SGPP2: variants seen among roughly 807,000 people sequenced by gnomAD.
The protein encoded by SGPP2 is sphingosine 1-phosphate phosphohydrolase 2.
In SGPP2, 30 loss-of-function variants were observed where a neutral mutation model predicts 33.9. That is an observed-to-expected ratio of 0.89 (90% CI 0.66 to 1.20). SGPP2 has a LOEUF of 1.20. Among genes scored for constraint, SGPP2 ranks in the 50% most tolerant of loss-of-function variants. SGPP2 has a pLI of 0.00. For missense variants in SGPP2, 458 were observed against 532.1 expected, an observed-to-expected ratio of 0.86 and a Z score of 1.37; for synonymous variants, 233 against 225.0, an observed-to-expected ratio of 1.04 and a Z score of -0.32.
intron 2 of SGPP2, 104 bp from the exon 3 acceptor site, chr2:222,521,663 C>A: frequency 1.7e-6 from 2 of 1,209,388 alleles, no homozygotes; most frequent in Non-Finnish European, 2.3e-6. Context: ...GAGAAAGGAG[C>A]CTTCAATCAA....
chr2:222,484,995 C>A (rs1215909055), intron 2 of SGPP2, among the ~76,000 whole-genome samples: 1 of 152,160 alleles, frequency 6.6e-6, no homozygotes, highest in South Asian at 2.1e-4. Flanking sequence ...ACTGCCCCTC[C>A]GCTACATGTA....
chr2:222,496,512 C>T (rs1698283056), intron 2 of SGPP2, among the ~76,000 whole-genome samples: 1 of 152,128 alleles, frequency 6.6e-6, no homozygotes, highest in African/African-American at 2.4e-5. Context: ...CAAATCCATC[C>T]TCCCCACAGC....
rs1384463802 is a variant in SGPP2, at chr2:222,465,455, G to A, written c.220-9113G>A. Among the ~76,000 whole-genome samples the A allele has an allele frequency of 1.3e-5, 2 of 152,056 alleles. No individual in the cohort carries two copies. The highest frequency in any genetic ancestry group is 2.9e-5 in the Non-Finnish European group (2 of 68,014). On this transcript the variant is annotated intron_variant, in intron 1 of 4. Coordinates refer to ENST00000321276, the MANE Select transcript of SGPP2 (RefSeq NM_152386.4). This position sits in a 1 kb window ranked among gnomAD's most constrained non-coding sequence, Gnocchi z 4.1. Reference sequence around the variant, plus strand: ...AAAAAAGTGAGTAATTAAAAGTGACGGGCCAGGTTAGTAAATAGATTTGTG... The same window carrying A: ...AAAAAAGTGAGTAATTAAAAGTGACAGGCCAGGTTAGTAAATAGATTTGTG...
At chr2:222,507,048 G>A (rs1280833327) in intron 2 of SGPP2, among the ~76,000 whole-genome samples, 3 of 152,082 alleles carry the variant, frequency 2.0e-5, no homozygotes, top group Admixed American at 2.0e-4. Context: ...AAGTGTCCCA[G>A]TGTAGGTCCA....
intron 1 of SGPP2, chr2:222,453,034 C>G (rs1161857996): frequency 2.6e-6 from 4 of 1,543,940 alleles, no homozygotes; most frequent in Middle Eastern, 1.8e-4. Context: ...TTGACTGGGA[C>G]CTTGTCTTCC....
At chr2:222,508,579 G>A (rs1698480149) in intron 2 of SGPP2, among the ~76,000 whole-genome samples, 1 of 152,156 alleles carries the variant, frequency 6.6e-6, no homozygotes, top group South Asian at 2.1e-4. Context: ...CTCAAGAGGT[G>A]GAAAGTGGCT....
Position 222,476,153 on chromosome 2 carries a change from TATAAA to T in SGPP2, c.378+1429_378+1433del, listed in dbSNP as rs933935446. ...AGAGGTTCAGAAGCACTTGGTTGGG[TATAAA>T]AGAGAAGATTTTAGCAAGTGACTTT... On this transcript the variant is annotated intron_variant, in intron 2 of 4. Coordinates refer to ENST00000321276, the MANE Select transcript of SGPP2 (RefSeq NM_152386.4). This position sits in a 1 kb window ranked among gnomAD's most constrained non-coding sequence, Gnocchi z 4.3. Among the ~76,000 whole-genome samples, 185 of 152,286 alleles carry T rather than the reference TATAAA, an allele frequency of 1.2e-3. No homozygotes were observed. Among genetic ancestry groups the T allele is most frequent in the African/African-American group, 4.2e-3 (176 of 41,560 alleles).
rs1405084375 is a variant in SGPP2, at chr2:222,465,551, G to A, written c.220-9017G>A. 1.3e-5 allele frequency among the ~76,000 whole-genome samples: 2 copies of A among 152,172 alleles called. No individual in the cohort carries two copies. The highest frequency in any genetic ancestry group is 2.9e-5 in the Non-Finnish European group (2 of 68,016). On this transcript the variant is annotated intron_variant, in intron 1 of 4. Transcript: ENST00000321276. This position sits in a 1 kb window ranked among gnomAD's most constrained non-coding sequence, Gnocchi z 4.1. ...TTCACCCCAGTGGCTTTTCAGTTCA[G>A]AACTGGGAATTAATGATATTTTCTC...
chr2:222,507,758 C>T (rs1370632791), intron 2 of SGPP2, among the ~76,000 whole-genome samples: 1 of 152,122 alleles, frequency 6.6e-6, no homozygotes, highest in Non-Finnish European at 1.5e-5. Context: ...TACCTATATG[C>T]GCTGGTATGT....
intron 1 of SGPP2, among the ~76,000 whole-genome samples, chr2:222,462,385 C>T (rs1463606920): frequency 6.6e-6 from 1 of 152,094 alleles, no homozygotes; most frequent in Non-Finnish European, 1.5e-5. Context: ...AGTTAGAAGA[C>T]CCTTGGGTGA....
At chr2:222,483,058 G>C (rs535223859) in intron 2 of SGPP2, among the ~76,000 whole-genome samples, 3 of 152,232 alleles carry the variant, frequency 2.0e-5, no homozygotes, top group African/African-American at 7.2e-5. Context: ...GGAAAAGAAG[G>C]AAAGTTGGGC....
At chr2:222,511,020 G>A (rs997625969) in intron 2 of SGPP2, among the ~76,000 whole-genome samples, 10 of 152,130 alleles carry the variant, frequency 6.6e-5, no homozygotes, top group Non-Finnish European at 1.3e-4. Context: ...AAATTATTTA[G>A]GTGTTATTTA....
At chr2:222,502,513 G>T (rs938071627) in intron 2 of SGPP2, among the ~76,000 whole-genome samples, 2 of 152,200 alleles carry the variant, frequency 1.3e-5, no homozygotes, top group Non-Finnish European at 2.9e-5. Context: ...AAAATGTGAA[G>T]AACTCCCATG....
chr2:222,498,508 C>A (rs1364257673), intron 2 of SGPP2: 1 of 151,994 alleles, frequency 6.6e-6, no homozygotes, highest in Non-Finnish European at 1.5e-5. Flanking sequence ...ATCATTCATT[C>A]ATTCATTCAT....
intron 1 of SGPP2, chr2:222,452,803 C>T: frequency 6.3e-7 from 1 of 1,585,214 alleles, no homozygotes; most frequent in Non-Finnish European, 8.7e-7. Context: ...GGTGCTGAGG[C>T]CTGAGTCACA....
chr2:222,452,709 G>A, intron 1 of SGPP2: 1 of 1,376,770 alleles, frequency 7.3e-7, no homozygotes, highest in Non-Finnish European at 1.0e-6. Flanking sequence ...ATTGCTCCAG[G>A]TCTGGTTGCT....
rs1367313562 is a variant in SGPP2 at position 222,561,148 on chromosome 2, T to TA, written c.*2254dup. ...TTTAGCAAAACATCCTGTTTTTACT[T>TA]AAAATTCTTCTCATATTTATTATAG... On this transcript the variant is annotated 3_prime_UTR_variant, in exon 5 of 5. Coordinates refer to ENST00000321276, the MANE Select transcript of SGPP2 (RefSeq NM_152386.4). Among the ~76,000 whole-genome samples, 1 of 152,120 alleles carries TA rather than the reference T, an allele frequency of 6.6e-6. No individual in the cohort carries two copies. Among genetic ancestry groups the TA allele is most frequent in the Non-Finnish European group, 1.5e-5 (1 of 68,020 alleles).
intron 1 of SGPP2, among the ~76,000 whole-genome samples, chr2:222,456,709 T>C (rs1340593028): frequency 6.6e-6 from 1 of 152,182 alleles, no homozygotes; most frequent in Non-Finnish European, 1.5e-5. Flanking sequence ...GAGTGGGAGT[T>C]AACCTGGTTG....
intron 4 of SGPP2, among the ~76,000 whole-genome samples, chr2:222,551,076 C>G (rs973373171): frequency 6.6e-6 from 1 of 152,084 alleles, no homozygotes; most frequent in African/African-American, 2.4e-5. Context: ...CATTTTTGCT[C>G]TCATGTCTTT....
Sources: gnomAD v4.1 joint callset for allele counts (sites outside exome capture counted in the v4.1 genomes callset) on GRCh38, gnomAD v4.1.1 for gene constraint, Gnocchi (gnomAD v3.1) non-coding constraint, MANE v1.5 for transcripts, NCBI Gene and HGNC (gene_info 2026-07-23, HGNC 2026-07-21) for gene names.